The following FBXW7 variants were observed in gnomAD, a reference collection of about 807,000 sequenced individuals.
The protein encoded by FBXW7 is F-box/WD repeat-containing protein 7.
FBXW7 carries 11 observed loss-of-function variants against 86.3 expected under a neutral mutation model. That is an observed-to-expected ratio of 0.13 (90% CI 0.08 to 0.21). FBXW7 has a LOEUF of 0.21. FBXW7 is among the 10% of genes least tolerant of loss of function. FBXW7 has a pLI of 1.00. For missense variants in FBXW7, 488 were observed against 847.4 expected, an observed-to-expected ratio of 0.58 and a Z score of 5.27; for synonymous variants, 313 against 297.9, an observed-to-expected ratio of 1.05 and a Z score of -0.52.
At chr4:152,408,474 G>A (rs2126866373) in intron 4 of FBXW7, among the ~76,000 whole-genome samples, 1 of 152,134 alleles carries the variant, frequency 6.6e-6, no homozygotes, top group East Asian at 1.9e-4. Context: ...CATGTTTTAT[G>A]GATTCAAGAG....
At chr4:152,471,041 T>C (rs554012353) in intron 2 of FBXW7, among the ~76,000 whole-genome samples, 1 of 152,222 alleles carries the variant, frequency 6.6e-6, no homozygotes, top group East Asian at 1.9e-4. Context: ...GCAGAAAATG[T>C]TGCCATACTA....
chr4:152,354,906 C>T (rs1732224890), intron 4 of FBXW7, among the ~76,000 whole-genome samples: 1 of 152,096 alleles, frequency 6.6e-6, no homozygotes, highest in South Asian at 2.1e-4. Context: ...CCATGGTTCC[C>T]ATTTGGGAAT....
intron 3 of FBXW7, among the ~76,000 whole-genome samples, chr4:152,412,278 T>C (rs1201907586): frequency 6.6e-6 from 1 of 152,172 alleles, no homozygotes; most frequent in Non-Finnish European, 1.5e-5. Context: ...TTCAGTTAAT[T>C]TGGGAAATGC....
chr4:152,461,049 G>A (rs530943759), intron 2 of FBXW7, among the ~76,000 whole-genome samples: 5 of 152,300 alleles, frequency 3.3e-5, no homozygotes, highest in African/African-American at 1.2e-4. Context: ...GGGAGGCCAA[G>A]GTAGGCAGAT....
intron 2 of FBXW7, among the ~76,000 whole-genome samples, chr4:152,525,481 C>T (rs2149738200): frequency 6.6e-6 from 1 of 152,262 alleles, no homozygotes; most frequent in South Asian, 2.1e-4. Context: ...CTCAAGTAGA[C>T]CCCAGTGTCT....
At chr4:152,459,434 C>T (rs367958708) in intron 2 of FBXW7, among the ~76,000 whole-genome samples, 11 of 152,358 alleles carry the variant, frequency 7.2e-5, no homozygotes, top group Admixed American at 1.3e-4. Flanking sequence ...AGTAGCCATA[C>T]TGTTGTATGT....
chr4:152,355,334 GA>G (rs942724948), intron 4 of FBXW7, among the ~76,000 whole-genome samples: 6 of 151,858 alleles, frequency 4.0e-5, no homozygotes, highest in Admixed American at 2.0e-4. Context: ...TCTGTGACAA[GA>G]AACATTTTAA....
intron 2 of FBXW7, among the ~76,000 whole-genome samples, chr4:152,467,543 T>C (rs1288656670): frequency 6.6e-6 from 1 of 152,148 alleles, no homozygotes; most frequent in East Asian, 1.9e-4. Flanking sequence ...CTAATATCAA[T>C]AAACATATCA....
rs752000278 is a variant in FBXW7 at position 152,322,101 on chromosome 4, G to A, written c.*780C>T. 4.3e-6 allele frequency: 1 copy of A among 232,966 alleles called. No individual in the cohort carries two copies. Among genetic ancestry groups the A allele is most frequent in the Non-Finnish European group, 8.5e-6 (1 of 117,738 alleles). The allele number at this position is 232,966 out of a possible 1,614,324, so 14.4% of individuals were successfully genotyped here. The stretch of plus-strand genomic sequence containing the variant: ...TTCTTTCATTTAGCAGCATAAATAA[G>A]TTTGGCCACTGGGAGTACAGTACAG... On this transcript the variant is annotated 3_prime_UTR_variant, in exon 14 of 14. Coordinates refer to ENST00000281708, the MANE Select transcript of FBXW7 (RefSeq NM_001349798.2).
intron 4 of FBXW7, chr4:152,382,325 G>C: frequency 6.4e-7 from 1 of 1,568,808 alleles, no homozygotes; most frequent in Non-Finnish European, 8.6e-7. Context: ...AGGTTTTCCC[G>C]GTTTTGACAT....
chr4:152,352,763 G>C, intron 4 of FBXW7: 5 of 1,608,602 alleles, frequency 3.1e-6, no homozygotes, highest in Non-Finnish European at 4.2e-6. Context: ...AAGAACTCGA[G>C]GGAATAATGA....
At chr4:152,406,647 G>A (rs1481712020) in intron 4 of FBXW7, among the ~76,000 whole-genome samples, 1 of 152,080 alleles carries the variant, frequency 6.6e-6, no homozygotes, top group Non-Finnish European at 1.5e-5. Flanking sequence ...TTAGAAGAAA[G>A]TCTAGAGAAA....
chr4:152,321,563 G>T lies in FBXW7; in HGVS notation c.*1318C>A, dbSNP rs145052012. ...ACCATTTGACTGTTTCATTCATTTTGTTTGTTTGCATGTGACGCCTTTACT... is the reference window on the plus strand; with the variant it reads ...ACCATTTGACTGTTTCATTCATTTTTTTTGTTTGCATGTGACGCCTTTACT... On this transcript the variant is annotated 3_prime_UTR_variant, in exon 14 of 14. Transcript: ENST00000281708. 1.1e-3 allele frequency: 259 copies of T among 233,096 alleles called. No homozygotes were observed. The highest frequency in any genetic ancestry group is 5.2e-3 in the African/African-American group (235 of 45,392). 14.4% of individuals were successfully genotyped at this position (233,096 alleles called of 1,614,324 possible).
chr4:152,479,475 GCA>G (rs1273324321), intron 2 of FBXW7, among the ~76,000 whole-genome samples: 1 of 151,818 alleles, frequency 6.6e-6, no homozygotes, highest in African/African-American at 2.4e-5. Flanking sequence ...ATAGTCTCTC[GCA>G]CACACACATA....
chr4:152,445,910 TAAAAAAA>T lies in FBXW7; in HGVS notation c.-119-33388_-119-33382del, dbSNP rs11457603. ...GGGTGACACAGCAAGACTCTGTCTT[TAAAAAAA>T]AAAAAAAAAAAAAAAAAAAAAAAAA... On this transcript the variant is annotated intron_variant, in intron 2 of 13. Transcript: ENST00000281708. Among the ~76,000 whole-genome samples, 249 of 100,640 alleles carry T rather than the reference TAAAAAAA, an allele frequency of 2.5e-3. 1 individual carries two copies. The highest frequency in any genetic ancestry group is 6.7e-3 in the African/African-American group (226 of 33,610). 66.0% of individuals were successfully genotyped at this position (100,640 alleles called of 152,430 possible). A position where few individuals can be genotyped will look rare whatever the true frequency, so the allele number is the denominator to read the frequency against.
intron 4 of FBXW7, among the ~76,000 whole-genome samples, chr4:152,381,425 G>A (rs1015110884): frequency 6.6e-6 from 1 of 152,034 alleles, no homozygotes; most frequent in Non-Finnish European, 1.5e-5. Context: ...TGGTTTGTTT[G>A]TTTGTTTCAG....
At chr4:152,350,917 A>G (rs1731753940) in intron 4 of FBXW7, among the ~76,000 whole-genome samples, 1 of 152,038 alleles carries the variant, frequency 6.6e-6, no homozygotes. Context: ...GCCATGTTAT[A>G]CTATAAATAT....
At chr4:152,351,455 T>C (rs1731806827) in intron 4 of FBXW7, among the ~76,000 whole-genome samples, 1 of 152,130 alleles carries the variant, frequency 6.6e-6, no homozygotes, top group Non-Finnish European at 1.5e-5. Flanking sequence ...GAAGTTTATA[T>C]ACTCATTACA....
intron 2 of FBXW7, among the ~76,000 whole-genome samples, chr4:152,418,482 T>G (rs1335200004): frequency 6.6e-6 from 1 of 152,174 alleles, no homozygotes; most frequent in Non-Finnish European, 1.5e-5. Flanking sequence ...CAAGTCTTAC[T>G]GGAAATCACC....
Sources: allele counts gnomAD v4.1 joint callset (sites outside exome capture counted in the v4.1 genomes callset), GRCh38; gene constraint gnomAD v4.1.1; transcripts MANE v1.5; gene names NCBI Gene and HGNC (gene_info 2026-07-23, HGNC 2026-07-21).